The following G3BP2 variants were observed in gnomAD, a reference collection of about 807,000 sequenced individuals.
The protein encoded by G3BP2 is ras GTPase-activating protein-binding protein 2.
In G3BP2, 11 loss-of-function variants were observed where a neutral mutation model predicts 56.7. The observed-to-expected ratio is 0.19, with a 90% CI of 0.12 to 0.32. The LOEUF (loss-of-function observed/expected upper bound fraction) is 0.32, where lower values mean the gene tolerates loss of function less well. Ranked by LOEUF, G3BP2 falls within the 10% of genes least tolerant of loss-of-function variation. The pLI is 1.00. For synonymous variants in G3BP2, 165 were observed against 191.6 expected, an observed-to-expected ratio of 0.86 and a Z score of 1.15; for missense variants, 340 against 610.9, an observed-to-expected ratio of 0.56 and a Z score of 4.67.
In G3BP2 at chr4:75,647,107, A is replaced by G. The variant is rs1299043378; in HGVS notation, c.979T>C (p.Tyr327His). The G allele has an allele frequency of 1.3e-6, 2 of 1,598,642 alleles. No individual in the cohort carries two copies. The highest frequency in any genetic ancestry group is 8.6e-7 in the Non-Finnish European group (1 of 1,166,890). ...ACAAAAAGTTGATGACTATCTGGAT[A>G]GCGAATTATTCTACGGTTGTCAGAG... ...NDSDNRRIIR[Y>H]PDSHQLFVGN... Residue 327 changes from tyrosine (Y) to histidine (H), a missense_variant, in exon 10 of 12, where the codon TAT becomes CAT. Physicochemically the swap from Tyr to His is moderately conservative, Grantham distance 83. Transcript: ENST00000359707.
At chr4:75,678,437 A>G (rs1733959474) in intron 3 of G3BP2, among the ~76,000 whole-genome samples, 1 of 152,170 alleles carries the variant, frequency 6.6e-6, no homozygotes, top group Admixed American at 6.6e-5. Context: ...GATTACGGGC[A>G]TGAGCCACAC....
intron 3 of G3BP2, among the ~76,000 whole-genome samples, chr4:75,691,760 A>C (rs1176968062): frequency 6.6e-6 from 1 of 152,146 alleles, no homozygotes; most frequent in Non-Finnish European, 1.5e-5. Flanking sequence ...ATTCTATTTA[A>C]TTGGCTGGGG....
chr4:75,657,083 G>T, intron 4 of G3BP2, 69 bp from the exon 5 acceptor site: 2 of 676,650 alleles, frequency 3.0e-6, no homozygotes, highest in South Asian at 1.8e-5. Context: ...CAAATTACAT[G>T]GCATACACAA....
intron 3 of G3BP2, among the ~76,000 whole-genome samples, chr4:75,701,953 T>A (rs1719361817): frequency 6.6e-6 from 1 of 152,086 alleles, no homozygotes; most frequent in South Asian, 2.1e-4. Context: ...AAGCAGAGTC[T>A]CCCAGTATAA....
intron 3 of G3BP2, among the ~76,000 whole-genome samples, chr4:75,714,304 TATTCAG>T (rs966386118): frequency 6.6e-6 from 1 of 152,162 alleles, no homozygotes; most frequent in African/African-American, 2.4e-5. Context: ...TCCTCTCACA[TATTCAG>T]GGGGAAAATA....
At chr4:75,685,954 AGAAG>A (rs1286116589) in intron 3 of G3BP2, among the ~76,000 whole-genome samples, 2 of 152,178 alleles carry the variant, frequency 1.3e-5, no homozygotes, top group Admixed American at 6.5e-5. Context: ...AAGGAAGGAG[AGAAG>A]GAAGAAAGGA....
chr4:75,713,755 C>T (rs1221358785), intron 3 of G3BP2, among the ~76,000 whole-genome samples: 1 of 152,174 alleles, frequency 6.6e-6, no homozygotes, highest in Non-Finnish European at 1.5e-5. Flanking sequence ...GGGCACTATA[C>T]TGCAGCCCAG....
chr4:75,645,718 GA>G lies in G3BP2; in HGVS notation c.1177-17del, dbSNP rs1731166465. 3.7e-6 allele frequency: 6 copies of G among 1,609,516 alleles called. No individual in the cohort carries two copies. Among genetic ancestry groups the G allele is most frequent in the Middle Eastern group, 3.3e-4 (2 of 6,042 alleles). On this transcript the variant is annotated splice_polypyrimidine_tract_variant and intron_variant, in intron 11 of 11. Coordinates refer to ENST00000359707, the MANE Select transcript of G3BP2 (RefSeq NM_203505.3). ...ACATAATCGGCTTTATAAAAGAGAA[GA>G]AAAATATTTACATGGGCAGGTTAGA... is the stretch of plus-strand genomic sequence containing the variant.
rs1161221281 is a variant in G3BP2, at chr4:75,697,300, AAG to A, written c.-25+23575_-25+23576del. On this transcript the variant is annotated intron_variant, in intron 3 of 3. Coordinates refer to the G3BP2 transcript ENST00000499709. ...AAAAAAAAAAAAAAAAAAAAAAAAA[AAG>A]ATCATGAAATTGAGGTGTTTTGTTG... is the stretch of plus-strand genomic sequence containing the variant. 5.0e-4 allele frequency among the ~76,000 whole-genome samples: 24 copies of A among 48,270 alleles called. 2 individuals carry two copies. Among genetic ancestry groups the A allele is most frequent in the Admixed American group, 8.0e-4 (5 of 6,260 alleles). 31.7% of individuals were successfully genotyped at this position (48,270 alleles called of 152,430 possible).
chr4:75,668,132 G>C (rs191367812), intron 1 of G3BP2, among the ~76,000 whole-genome samples: 146 of 152,314 alleles, frequency 9.6e-4, no homozygotes, highest in Non-Finnish European at 1.6e-3. Flanking sequence ...CATTGAGAGA[G>C]AGTGGAGTAT....
intron 1 of G3BP2, among the ~76,000 whole-genome samples, chr4:75,663,390 C>T (rs1053120932): frequency 6.6e-6 from 1 of 152,092 alleles, no homozygotes; most frequent in Non-Finnish European, 1.5e-5. Flanking sequence ...CGCTAAATCT[C>T]CTGAGTGGCT....
intron 3 of G3BP2, among the ~76,000 whole-genome samples, chr4:75,713,305 A>AC (rs1719821693): frequency 6.6e-6 from 1 of 152,248 alleles, no homozygotes; most frequent in Admixed American, 6.5e-5. Context: ...ACTGGCAACC[A>AC]CCAATGATTC....
chr4:75,652,753 C>A (rs6850797), intron 8 of G3BP2, among the ~76,000 whole-genome samples: 25,636 of 152,108 alleles, frequency 0.17, 2,250 homozygotes, highest in South Asian at 0.34. Context: ...ATTTTTTGAT[C>A]TCTAAAACAG....
chr4:75,673,123 G>A lies in G3BP2; in HGVS notation c.-25+85C>T, dbSNP rs1035821094. Reference sequence around the variant, plus strand: ...CTCCGGCTCCCGGGCTCACACACCGGACGATTGCCTCGCGCCGCGGAGCGC... The same window carrying A: ...CTCCGGCTCCCGGGCTCACACACCGAACGATTGCCTCGCGCCGCGGAGCGC... On this transcript the variant is annotated intron_variant, in intron 1 of 11. Transcript: ENST00000359707. 1.6e-5 allele frequency: 17 copies of A among 1,092,012 alleles called. No homozygotes were observed. In the African/African-American group the frequency reaches 2.5e-4, roughly 16 times the overall value. The allele number at this position is 1,092,012 out of a possible 1,614,324, so 67.6% of individuals were successfully genotyped here.
Position 75,643,295 on chromosome 4 carries a change from T to TTATATATTTATATATATATATATA in G3BP2, c.*2134_*2135insTATATATATATATATAAATATATA, listed in dbSNP as rs1730986015. On this transcript the variant is annotated 3_prime_UTR_variant, in exon 12 of 12. Transcript: ENST00000359707. ...GCAGGGCAATATCCTGAATTGGAAA[T>TTATATATTTATATATATATATATA]TATATATATATATATATATATGGAA... 1 of 99,942 alleles carries TTATATATTTATATATATATATATA rather than the reference T, an allele frequency of 1.0e-5. No homozygotes were observed. Among genetic ancestry groups the TTATATATTTATATATATATATATA allele is most frequent in the Admixed American group, 9.2e-5 (1 of 10,910 alleles). 6.2% of individuals were successfully genotyped at this position (99,942 alleles called of 1,614,324 possible).
Position 75,657,595 on chromosome 4 carries a change from C to G in G3BP2, c.313G>C (p.Glu105Gln). 1 of 1,612,090 alleles carries G rather than the reference C, an allele frequency of 6.2e-7. No individual in the cohort carries two copies. Among genetic ancestry groups the G allele is most frequent in the Non-Finnish European group, 8.5e-7 (1 of 1,179,340 alleles). The change falls in exon 4 of 12, where the codon GAA (glutamate) becomes CAA (glutamine). Residue 105 changes from glutamate to glutamine, a missense_variant. By Grantham distance (29) the Glu-to-Gln change is conservative. Around this residue, in one of 4 missense-constraint regions of G3BP2, gnomAD observed 224 missense variants for 332.5 expected, o/e 0.67. Transcript: ENST00000359707. Reference sequence around the variant, plus strand: ...ACAAAGGTTTGCATAAACTTTCTTTCTGGTTGTCCACTGTTAGACAGCAAA... The same window carrying G: ...ACAAAGGTTTGCATAAACTTTCTTTGTGGTTGTCCACTGTTAGACAGCAAA... The part of the protein sequence containing the change: ...MGLLSNSGQP[E>Q]RKFMQTFVLA...
intron 1 of G3BP2, among the ~76,000 whole-genome samples, chr4:75,668,438 T>A (rs1446525476): frequency 6.6e-6 from 1 of 152,198 alleles, no homozygotes; most frequent in Non-Finnish European, 1.5e-5. Context: ...AGATGTAATA[T>A]CTAAAATGAG....
chr4:75,652,843 C>A (rs575775126), intron 8 of G3BP2, among the ~76,000 whole-genome samples: 1 of 152,248 alleles, frequency 6.6e-6, no homozygotes, highest in South Asian at 2.1e-4. Context: ...CAATGCTTGG[C>A]GCATATCAAA....
intron 3 of G3BP2, 36 bp from the exon 4 acceptor site, chr4:75,657,766 T>C (rs375223207): frequency 1.1e-5 from 14 of 1,273,782 alleles, no homozygotes; most frequent in Admixed American, 1.8e-5. Context: ...ATAAACTCTG[T>C]GATACTGCAT....
Sources: gnomAD v4.1 joint callset for allele counts (sites outside exome capture counted in the v4.1 genomes callset) on GRCh38, gnomAD v4.1.1 for gene constraint, gnomAD v4.1.1 regional missense constraint, MANE v1.5 for transcripts, NCBI Gene and HGNC (gene_info 2026-07-23, HGNC 2026-07-21) for gene names.